DARS1: variants seen among roughly 807,000 people sequenced by gnomAD.
DARS1 encodes aspartyl-tRNA synthetase 1, also known as aspartate--tRNA ligase, cytoplasmic.
A neutral mutation model predicts 68.8 loss-of-function variants in DARS1; 51 were observed. That is an observed-to-expected ratio of 0.74 (90% confidence interval 0.59 to 0.94). DARS1 has a LOEUF of 0.94. Among genes scored for constraint, DARS1 ranks in the 40% least tolerant of loss-of-function variants. DARS1 has a pLI of 0.00. For missense variants in DARS1, 607 were observed against 597.3 expected, an observed-to-expected ratio of 1.02 and a Z score of -0.17; for synonymous variants, 203 against 190.4, an observed-to-expected ratio of 1.07 and a Z score of -0.55.
At chr2:135,964,600 G>A (rs538146360) in intron 3 of DARS1, among the ~76,000 whole-genome samples, 2 of 152,266 alleles carry the variant, frequency 1.3e-5, no homozygotes, top group South Asian at 2.1e-4. Flanking sequence ...CAGCACTCTG[G>A]GAGGCCGAGG....
At chr2:135,930,144 A>G (rs1681309933) in intron 7 of DARS1, among the ~76,000 whole-genome samples, 1 of 152,244 alleles carries the variant, frequency 6.6e-6, no homozygotes. Flanking sequence ...CTTTTCATTC[A>G]TTAACCCACA....
chr2:135,908,124 T>TAA (rs1680826029), intron 15 of DARS1, among the ~76,000 whole-genome samples: 1 of 152,238 alleles, frequency 6.6e-6, no homozygotes, highest in South Asian at 2.1e-4. Flanking sequence ...GGTTTATATA[T>TAA]AATAGTATGC....
intron 5 of DARS1, among the ~76,000 whole-genome samples, chr2:135,936,318 A>T (rs1217955540): frequency 1.3e-5 from 2 of 152,372 alleles, no homozygotes; most frequent in East Asian, 3.8e-4. Context: ...CATTGCACAC[A>T]TCTAGACAAT....
In DARS1 at chr2:135,985,478, G is replaced by A. The variant is rs368671842; in HGVS notation, c.-10C>T. 1 of 1,613,878 alleles carries A rather than the reference G, an allele frequency of 6.2e-7. No individual in the cohort carries two copies. The highest frequency in any genetic ancestry group is 1.3e-5 in the African/African-American group (1 of 74,934). On this transcript the variant is annotated 5_prime_UTR_variant, in exon 1 of 16. Coordinates refer to ENST00000264161, the MANE Select transcript of DARS1 (RefSeq NM_001349.4). ...CGCTGGCGCTGGGCATCGGGACACG[G>A]AACTGGGCAGTGGACACCACCCTCC... is the stretch of plus-strand genomic sequence containing the variant.
rs747287762 is a variant in DARS1, at chr2:135,920,527, A to G, written c.885T>C (p.Phe295=). The change falls in exon 10 of 16, where the codon TTT becomes TTC. Residue 295 remains phenylalanine (F), a synonymous_variant. Transcript: ENST00000264161. Reference sequence around the variant, plus strand: ...CCATAACTTCGTGGTAATGGTAATTAAAAGCCATTTCAATGTCCAAACCAA... The same window carrying G: ...CCATAACTTCGTGGTAATGGTAATTGAAAGCCATTTCAATGTCCAAACCAA... The part of the protein sequence containing the change: ...EFVGLDIEMA[F]NYHYHEVMEE... The G allele has an allele frequency of 6.2e-7, 1 of 1,613,818 alleles. No homozygotes were observed. The highest frequency in any genetic ancestry group is 8.5e-7 in the Non-Finnish European group (1 of 1,179,864).
rs1156241306 is a variant in DARS1, at chr2:135,924,409, G to A, written c.654C>T (p.Ile218=). 1 of 1,598,840 alleles carries A rather than the reference G, an allele frequency of 6.3e-7. No individual in the cohort carries two copies. The change falls in exon 8 of 16, where the codon ATC becomes ATT. Residue 218 remains isoleucine (I), a synonymous_variant. Transcript: ENST00000264161. ...ETLINKGFVE[I]QTPKIISAAS... The stretch of plus-strand genomic sequence containing the variant: ...TACCTGAAATAATTTTAGGAGTTTG[G>A]ATTTCCACAAAACCTTTGTTAATTA...
intron 4 of DARS1, among the ~76,000 whole-genome samples, chr2:135,960,871 G>C (rs1682083731): frequency 6.6e-6 from 1 of 152,136 alleles, no homozygotes; most frequent in South Asian, 2.1e-4. Context: ...TTTTACAGGA[G>C]GAAAAAGCAA....
At chr2:135,962,920 T>C (rs1281456478) in intron 3 of DARS1, among the ~76,000 whole-genome samples, 3 of 152,206 alleles carry the variant, frequency 2.0e-5, no homozygotes, top group African/African-American at 4.8e-5. Flanking sequence ...TGGAAGGTAA[T>C]GTGCACACGA....
chr2:135,943,771 C>A (rs952232823), intron 4 of DARS1, among the ~76,000 whole-genome samples: 4 of 152,092 alleles, frequency 2.6e-5, no homozygotes, highest in Admixed American at 2.6e-4. Flanking sequence ...AGTAAAAAGT[C>A]TTTTAATTAT....
intron 4 of DARS1, among the ~76,000 whole-genome samples, chr2:135,948,094 T>G (rs1255542542): frequency 6.6e-6 from 1 of 152,248 alleles, no homozygotes; most frequent in Non-Finnish European, 1.5e-5. Flanking sequence ...GTTTTTTTTC[T>G]TAGCACACCT....
intron 13 of DARS1, 138 bp downstream of exon 13, chr2:135,912,348 A>G (rs896158726): frequency 4.4e-6 from 2 of 451,072 alleles, no homozygotes. Flanking sequence ...CAGTGGTGAC[A>G]GACATCAATG....
chr2:135,934,016 A>G (rs1198518245), intron 5 of DARS1, 26 bp from the exon 6 acceptor site: 10 of 1,602,884 alleles, frequency 6.2e-6, no homozygotes, highest in Admixed American at 3.4e-5. Flanking sequence ...TACCAAAAAT[A>G]GTAGAAAGCA....
chr2:135,985,538 T>C lies in DARS1; in HGVS notation c.-70A>G. On this transcript the variant is annotated 5_prime_UTR_variant, in exon 1 of 16. Coordinates refer to ENST00000264161, the MANE Select transcript of DARS1 (RefSeq NM_001349.4). ...TTCCGTAAGGCAGGCCAAAGGGGCT[T>C]CTCCCTCCCTCCCAGTCTCCGCCCT... is the stretch of plus-strand genomic sequence containing the variant. 5 of 1,610,012 alleles carry C rather than the reference T, an allele frequency of 3.1e-6. No individual in the cohort carries two copies. Among genetic ancestry groups the C allele is most frequent in the Non-Finnish European group, 3.4e-6 (4 of 1,178,382 alleles).
chr2:135,910,845 A>G, intron 15 of DARS1: 1 of 262,412 alleles, frequency 3.8e-6, no homozygotes, highest in Non-Finnish European at 7.3e-6. Flanking sequence ...CAGCTCTTTG[A>G]GCTATTTTAA....
At chr2:135,922,129 T>C (rs1176767049) in intron 9 of DARS1, among the ~76,000 whole-genome samples, 3 of 152,114 alleles carry the variant, frequency 2.0e-5, no homozygotes, top group Non-Finnish European at 2.9e-5. Flanking sequence ...CATATTAATA[T>C]AATTTATTAA....
Position 135,922,154 on chromosome 2 carries a change from TTAG to T in DARS1, c.811+627_811+629del, listed in dbSNP as rs566098366. 1.8e-3 allele frequency among the ~76,000 whole-genome samples: 267 copies of T among 152,256 alleles called. 1 individual carries two copies. The highest frequency in any genetic ancestry group is 5.7e-3 in the African/African-American group (237 of 41,558). ...TAATTTATTAAATATAACATATTTG[TTAG>T]TAGTTTCTAATGGACATCAGCACAT... is the stretch of plus-strand genomic sequence containing the variant. On this transcript the variant is annotated intron_variant, in intron 9 of 15. Transcript: ENST00000264161.
chr2:135,963,238 T>A (rs539997705), intron 3 of DARS1, among the ~76,000 whole-genome samples: 1 of 152,346 alleles, frequency 6.6e-6, no homozygotes, highest in South Asian at 2.1e-4. Flanking sequence ...GGAAAATTAT[T>A]AAACCACTTT....
chr2:135,910,680 C>A (rs903039124), intron 15 of DARS1, among the ~76,000 whole-genome samples: 1 of 152,112 alleles, frequency 6.6e-6, no homozygotes, highest in Non-Finnish European at 1.5e-5. Context: ...TTCAATGAAA[C>A]TATACATTCA....
chr2:135,971,900 C>T (rs148899745), intron 3 of DARS1, among the ~76,000 whole-genome samples: 6 of 151,894 alleles, frequency 4.0e-5, no homozygotes, highest in African/African-American at 7.2e-5. Flanking sequence ...TGAAAGATCT[C>T]TAAAAACTAT....
Sources: gnomAD v4.1 joint callset for allele counts (sites outside exome capture counted in the v4.1 genomes callset) on GRCh38, gnomAD v4.1.1 for gene constraint, MANE v1.5 for transcripts, NCBI Gene and HGNC (gene_info 2026-07-23, HGNC 2026-07-21) for gene names.